MAF: variants seen among roughly 807,000 people sequenced by gnomAD.
MAF encodes MAF bZIP transcription factor.
A neutral mutation model predicts 22.0 loss-of-function variants in MAF; 10 were observed. The observed-to-expected ratio is 0.45, with a 90% CI of 0.28 to 0.77. MAF has a LOEUF of 0.77. Ranked by LOEUF, MAF falls within the 30% of genes least tolerant of loss-of-function variation. The pLI, the probability that MAF is intolerant of heterozygous loss-of-function variation, is 0.12. For synonymous variants in MAF, 337 were observed against 255.8 expected (o/e 1.32, Z -3.03); for missense variants, 544 against 548.4 (o/e 0.99, Z 0.08).
chr16:79,406,357 A>G, the MAF span, among the ~76,000 whole-genome samples: 1 of 152,220 alleles, frequency 6.6e-6, no homozygotes, highest in Non-Finnish European at 1.5e-5. Flanking sequence ...AGGATATCAT[A>G]GACTGAGTGG....
chr16:79,507,653 C>T, the MAF span, among the ~76,000 whole-genome samples: 1 of 152,072 alleles, frequency 6.6e-6, no homozygotes, highest in Non-Finnish European at 1.5e-5. Flanking sequence ...TCTCGATCTC[C>T]TGACCTCGTG....
chr16:79,397,214 T>TG, the MAF span, among the ~76,000 whole-genome samples: 2 of 152,228 alleles, frequency 1.3e-5, no homozygotes, highest in African/African-American at 4.8e-5. Flanking sequence ...AATCTGTGTC[T>TG]TCCACAACCA....
At chr16:79,571,058 G>A in the MAF span, among the ~76,000 whole-genome samples, 3 of 151,732 alleles carry the variant, frequency 2.0e-5, no homozygotes, top group Non-Finnish European at 4.4e-5. Context: ...GAAAGGTCTG[G>A]CACTGATGAC....
At chr16:79,460,947 C>T in the MAF span, among the ~76,000 whole-genome samples, 1 of 152,066 alleles carries the variant, frequency 6.6e-6, no homozygotes, top group Non-Finnish European at 1.5e-5. Flanking sequence ...TTTCAGCTCT[C>T]CAAACTTGTA....
At chr16:79,287,292 G>C in the MAF span, among the ~76,000 whole-genome samples, 1 of 152,152 alleles carries the variant, frequency 6.6e-6, no homozygotes, top group Non-Finnish European at 1.5e-5. Context: ...CACGCTCCCA[G>C]CCCAGCTGCT....
At chr16:79,516,469 C>T in the MAF span, among the ~76,000 whole-genome samples, 1 of 152,108 alleles carries the variant, frequency 6.6e-6, no homozygotes, top group African/African-American at 2.4e-5. Context: ...ATCCCAGGCT[C>T]AGAGAGGATG....
At chr16:79,408,095 A>AAAAAC in the MAF span, among the ~76,000 whole-genome samples, 54 of 146,994 alleles carry the variant, frequency 3.7e-4, 1 homozygote, top group East Asian at 4.6e-3. Flanking sequence ...AAAAAAAAAA[A>AAAAAC]AAAAACCTAA....
At chr16:79,387,594 C>T in the MAF span, among the ~76,000 whole-genome samples, 1 of 152,136 alleles carries the variant, frequency 6.6e-6, no homozygotes, top group Admixed American at 6.5e-5. Context: ...TGTGTATATG[C>T]ACAATCTTTA....
chr16:79,252,102 A>G, the MAF span, among the ~76,000 whole-genome samples: 4 of 152,386 alleles, frequency 2.6e-5, no homozygotes, highest in South Asian at 2.1e-4. Flanking sequence ...CATTTGGTCA[A>G]TGTGATAACT....
At chr16:79,553,538 A>G in the MAF span, among the ~76,000 whole-genome samples, 1 of 152,214 alleles carries the variant, frequency 6.6e-6, no homozygotes, top group Non-Finnish European at 1.5e-5. Context: ...TTGCCTCCAC[A>G]ACACAGTCTG....
chr16:79,436,048 A>G, the MAF span, among the ~76,000 whole-genome samples: 6 of 152,226 alleles, frequency 3.9e-5, no homozygotes, highest in Non-Finnish European at 7.3e-5. Flanking sequence ...ATTTGTAAAA[A>G]GAGCAAAGTC....
the MAF span, among the ~76,000 whole-genome samples, chr16:79,292,471 A>G: frequency 6.6e-6 from 1 of 152,208 alleles, no homozygotes. Context: ...GAACTGAGAA[A>G]GAGTAAATTT....
At chr16:79,584,149 T>C (rs35817815), downstream of MAF, among the ~76,000 whole-genome samples, 18 of 152,162 alleles carry the variant, frequency 1.2e-4, no homozygotes, top group East Asian at 1.2e-3. Context: ...AAATAGCTTA[T>C]GATTTAGTTT....
At chr16:79,303,557 G>T in the MAF span, among the ~76,000 whole-genome samples, 1 of 152,184 alleles carries the variant, frequency 6.6e-6, no homozygotes, top group Non-Finnish European at 1.5e-5. Flanking sequence ...GGTACCTGGA[G>T]AAATATGCCC....
the MAF span, among the ~76,000 whole-genome samples, chr16:79,529,176 T>C: frequency 6.6e-6 from 1 of 152,176 alleles, no homozygotes; most frequent in Non-Finnish European, 1.5e-5. Context: ...CTGGAACTCA[T>C]GGTCCCAGAA....
chr16:79,392,339 G>C, the MAF span, among the ~76,000 whole-genome samples: 2 of 149,390 alleles, frequency 1.3e-5, no homozygotes, highest in Non-Finnish European at 3.0e-5. Flanking sequence ...GGAGAGGAGA[G>C]AGAAGGAAGG....
the MAF span, among the ~76,000 whole-genome samples, chr16:79,257,890 G>A: frequency 2.0e-5 from 3 of 152,106 alleles, no homozygotes; most frequent in African/African-American, 7.2e-5. Flanking sequence ...GTATAACAGT[G>A]GCTAGAAAAT....
At chr16:79,287,655 G>C in the MAF span, among the ~76,000 whole-genome samples, 1,180 of 152,294 alleles carry the variant, frequency 7.7e-3, 18 homozygotes, top group African/African-American at 0.027. Flanking sequence ...ACATCCACTT[G>C]TTTGTTGAGC....
At chr16:79,443,326 C>T in the MAF span, among the ~76,000 whole-genome samples, 1 of 152,296 alleles carries the variant, frequency 6.6e-6, no homozygotes, top group African/African-American at 2.4e-5. Flanking sequence ...CAACCCCTGC[C>T]TAATACAAGT....
Sources: gnomAD v4.1 joint callset for allele counts (sites outside exome capture counted in the v4.1 genomes callset) on GRCh38, gnomAD v4.1.1 for gene constraint, MANE v1.5 for transcripts, NCBI Gene and HGNC (gene_info 2026-07-23, HGNC 2026-07-21) for gene names.